DYNC1I1: variants seen among roughly 807,000 people sequenced by gnomAD.
DYNC1I1 encodes cytoplasmic dynein 1 intermediate chain 1.
In DYNC1I1, 43 loss-of-function variants were observed where a neutral mutation model predicts 86.6. The observed-to-expected ratio is 0.50, with a 90% confidence interval of 0.39 to 0.64. DYNC1I1 has a LOEUF of 0.64. DYNC1I1 is among the 30% of genes least tolerant of loss of function. The pLI, the probability that DYNC1I1 is intolerant of heterozygous loss-of-function variation, is 0.00. For missense variants in DYNC1I1, 604 were observed against 788.8 expected (o/e 0.77, Z 2.81); for synonymous variants, 262 against 283.7 (o/e 0.92, Z 0.77).
intron 10 of DYNC1I1, among the ~76,000 whole-genome samples, chr7:96,016,812 G>C (rs319319): frequency 0.53 from 81,225 of 151,924 alleles, 22,301 homozygotes; most frequent in African/African-American, 0.66. Flanking sequence ...TTTGCAAGGA[G>C]TTAGTACTTT....
chr7:96,099,115 A>G (rs562182406), downstream of DYNC1I1, among the ~76,000 whole-genome samples: 3 of 152,236 alleles, frequency 2.0e-5, no homozygotes, highest in South Asian at 2.1e-4. Flanking sequence ...AAAAAGTTTC[A>G]CAGACATACA....
At chr7:95,846,623 C>CTTTGTGTGTGTGTG (rs1314616292) in intron 5 of DYNC1I1, among the ~76,000 whole-genome samples, 1 of 121,124 alleles carries the variant, frequency 8.3e-6, no homozygotes, top group Non-Finnish European at 1.7e-5. Context: ...ATAAATCTCT[C>CTTTGTGTGTGTGTG]TCTCTGTGTG....
downstream of DYNC1I1, among the ~76,000 whole-genome samples, chr7:96,103,325 T>C (rs1212810360): frequency 6.6e-6 from 1 of 152,212 alleles, no homozygotes; most frequent in African/African-American, 2.4e-5. Flanking sequence ...GAGCTGTTAG[T>C]TGAGCACCCA....
At chr7:96,099,234 C>G (rs183484273), downstream of DYNC1I1, among the ~76,000 whole-genome samples, 1 of 152,182 alleles carries the variant, frequency 6.6e-6, no homozygotes, top group Non-Finnish European at 1.5e-5. Context: ...GAGTCACTTA[C>G]AGTAGGCACA....
At chr7:95,992,254 AC>A (rs1315644793) in intron 9 of DYNC1I1, among the ~76,000 whole-genome samples, 1 of 151,766 alleles carries the variant, frequency 6.6e-6, no homozygotes. Flanking sequence ...CGTGTGTCTT[AC>A]CTCCCTCCAT....
chr7:95,939,866 T>A (rs1286076936), intron 6 of DYNC1I1, among the ~76,000 whole-genome samples: 3 of 152,218 alleles, frequency 2.0e-5, no homozygotes, highest in African/African-American at 7.2e-5. Flanking sequence ...ATTTTGCTCG[T>A]TAGTTGATGG....
intron 10 of DYNC1I1, among the ~76,000 whole-genome samples, chr7:96,003,927 A>G (rs559097911): frequency 2.0e-5 from 3 of 152,272 alleles, no homozygotes; most frequent in African/African-American, 7.2e-5. Context: ...AAGTTGCCTA[A>G]TATTGTTGGA....
chr7:96,057,072 G>T (rs906368126), intron 14 of DYNC1I1, among the ~76,000 whole-genome samples: 4 of 152,060 alleles, frequency 2.6e-5, no homozygotes, highest in Non-Finnish European at 4.4e-5. Flanking sequence ...AATGTCCAGG[G>T]GCAGGTAAAG....
At chr7:95,849,676 G>A (rs1789526465) in intron 5 of DYNC1I1, among the ~76,000 whole-genome samples, 1 of 152,014 alleles carries the variant, frequency 6.6e-6, no homozygotes, top group Non-Finnish European at 1.5e-5. Context: ...TGTTCTTTTT[G>A]CTCAATGTTG....
chr7:95,835,860 G>T (rs1789072753), intron 5 of DYNC1I1, among the ~76,000 whole-genome samples: 1 of 152,170 alleles, frequency 6.6e-6, no homozygotes, highest in East Asian at 1.9e-4. Flanking sequence ...TTGAGCCTAT[G>T]TGTGTCTCTG....
At chr7:95,955,136 A>G (rs1188624365) in intron 6 of DYNC1I1, among the ~76,000 whole-genome samples, 1 of 152,068 alleles carries the variant, frequency 6.6e-6, no homozygotes, top group African/African-American at 2.4e-5. Flanking sequence ...ACTTCCAGGC[A>G]TTCATGCTGG....
chr7:95,772,571 G>C lies in DYNC1I1; in HGVS notation c.-212G>C, dbSNP rs1793729381. The C allele has an allele frequency of 5.3e-5, 8 of 152,206 alleles. No individual in the cohort carries two copies. The highest frequency in any genetic ancestry group is 5.2e-4 in the Admixed American group (8 of 15,284). The allele number at this position is 152,206 out of a possible 1,614,324, so 9.4% of individuals were successfully genotyped here. A position where few individuals can be genotyped will look rare whatever the true frequency, so the allele number is the denominator to read the frequency against. On this transcript the variant is annotated 5_prime_UTR_variant, in exon 1 of 17. Transcript: ENST00000447467. The stretch of plus-strand genomic sequence containing the variant: ...AGCCCCGCAGACTGAGTGCTCCGGG[G>C]AGCTGTCAGTGTCAGGCTCTGGGAG...
intron 1 of DYNC1I1, among the ~76,000 whole-genome samples, chr7:95,796,385 C>T (rs1269535713): frequency 6.6e-6 from 1 of 152,106 alleles, no homozygotes; most frequent in Non-Finnish European, 1.5e-5. Flanking sequence ...TCTTGGTTCA[C>T]TGCAACCTCC....
At chr7:95,918,876 C>T (rs1259911431) in intron 6 of DYNC1I1, among the ~76,000 whole-genome samples, 2 of 152,150 alleles carry the variant, frequency 1.3e-5, no homozygotes, top group African/African-American at 2.4e-5. Context: ...CTCAATTTCC[C>T]AGAATTCATG....
chr7:95,789,793 A>G (rs970456796), intron 1 of DYNC1I1, among the ~76,000 whole-genome samples: 4 of 152,336 alleles, frequency 2.6e-5, no homozygotes, highest in African/African-American at 7.2e-5. Context: ...AGAATTAAAA[A>G]TTTTTCAGTT....
chr7:95,950,224 G>A (rs2116476551), intron 6 of DYNC1I1, among the ~76,000 whole-genome samples: 1 of 152,292 alleles, frequency 6.6e-6, no homozygotes, highest in South Asian at 2.1e-4. Context: ...TGTACTGAAA[G>A]AGCACTAGTG....
chr7:95,934,940 T>C (rs1232413595), intron 6 of DYNC1I1, among the ~76,000 whole-genome samples: 2 of 151,724 alleles, frequency 1.3e-5, no homozygotes, highest in Non-Finnish European at 2.9e-5. Context: ...GTTTTTGTTT[T>C]TGTTTTTTGT....
At chr7:95,874,412 G>A (rs1790250308) in intron 6 of DYNC1I1, among the ~76,000 whole-genome samples, 1 of 152,036 alleles carries the variant, frequency 6.6e-6, no homozygotes, top group Admixed American at 6.6e-5. Context: ...TTGTTGAGAA[G>A]ATATGAGATA....
chr7:96,035,917 T>G (rs567583999), intron 13 of DYNC1I1, among the ~76,000 whole-genome samples, 165 bp downstream of exon 13: 3 of 152,282 alleles, frequency 2.0e-5, no homozygotes, highest in African/African-American at 7.2e-5. Flanking sequence ...GCTCTGGTCA[T>G]TAGCTGTTCA....
Sources: allele counts gnomAD v4.1 joint callset (sites outside exome capture counted in the v4.1 genomes callset), GRCh38; gene constraint gnomAD v4.1.1; transcripts MANE v1.5; gene names NCBI Gene and HGNC (gene_info 2026-07-23, HGNC 2026-07-21).